The following RNASEH1 variants were observed in gnomAD, a reference collection of about 807,000 sequenced individuals.
RNASEH1 encodes the protein ribonuclease H1, also known as ribonuclease H type II.
In RNASEH1, 27 loss-of-function variants were observed where a neutral mutation model predicts 34.6. The ratio of observed to expected loss-of-function variants is 0.78; its 90% CI spans 0.58 to 1.08. The LOEUF (loss-of-function observed/expected upper bound fraction) is 1.08, where lower values mean the gene tolerates loss of function less well. Among genes scored for constraint, RNASEH1 ranks in the 50% least tolerant of loss-of-function variants. The probability of loss-of-function intolerance (pLI) is 0.00; values close to 1 mark genes in which losing one functional copy is unlikely to be tolerated. For synonymous variants in RNASEH1, 162 were observed against 138.4 expected (o/e 1.17, Z -1.20); for missense variants, 349 against 373.6 (o/e 0.93, Z 0.54).
chr2:3,551,151 T>C (rs1659851276), intron 3 of RNASEH1, among the ~76,000 whole-genome samples: 1 of 152,148 alleles, frequency 6.6e-6, no homozygotes, highest in African/African-American at 2.4e-5. Context: ...GCGCAGGAAG[T>C]GGAAGTACTT....
intron 3 of RNASEH1, 108 bp from the exon 4 acceptor site, chr2:3,550,580 A>C (rs532169898): frequency 2.4e-6 from 2 of 817,864 alleles, no homozygotes; most frequent in African/African-American, 3.4e-5. Flanking sequence ...AGGGTATTTT[A>C]CAACGCTGCA....
intron 2 of RNASEH1, among the ~76,000 whole-genome samples, chr2:3,554,120 C>G (rs778209836): frequency 3.3e-5 from 5 of 152,152 alleles, no homozygotes; most frequent in African/African-American, 7.2e-5. Flanking sequence ...CCACACCTCT[C>G]GGAACCCTAA....
chr2:3,545,749 T>A lies in RNASEH1; in HGVS notation c.*36A>T. The A allele has an allele frequency of 6.9e-7, 1 of 1,452,562 alleles. No individual in the cohort carries two copies. Among genetic ancestry groups the A allele is most frequent in the East Asian group, 2.3e-5 (1 of 44,126 alleles). The allele number at this position is 1,452,562 out of a possible 1,614,324, so 90.0% of individuals were successfully genotyped here. A position where few individuals can be genotyped will look rare whatever the true frequency, so the allele number is the denominator to read the frequency against. On this transcript the variant is annotated 3_prime_UTR_variant, in exon 8 of 8. Transcript: ENST00000315212. ...TAAGTACAGGCAGCAAGACAGCCGC[T>A]GGCTCAAGTTCTCCCAAGGACTAAA...
the RNASEH1 span, among the ~76,000 whole-genome samples, chr2:3,534,825 TAGAA>T: frequency 2.1e-3 from 322 of 152,272 alleles, 1 homozygote; most frequent in African/African-American, 7.4e-3. Flanking sequence ...TCTTCAGCCT[TAGAA>T]GGAAGGGAAT....
In RNASEH1 at chr2:3,555,533, C is replaced by T. The variant is rs114378919; in HGVS notation, c.244+1256G>A. Among the ~76,000 whole-genome samples, 332 of 152,278 alleles carry T rather than the reference C, an allele frequency of 2.2e-3. 2 individuals carry two copies. Among genetic ancestry groups the T allele is most frequent in the African/African-American group, 7.3e-3 (304 of 41,566 alleles). On this transcript the variant is annotated intron_variant, in intron 2 of 7. Transcript: ENST00000315212. Reference sequence around the variant, plus strand: ...GATCCATTCTGGACACAACCTGCCTCGCTCTGAATTGTGCTTTGTCCAGGA... The same window carrying T: ...GATCCATTCTGGACACAACCTGCCTTGCTCTGAATTGTGCTTTGTCCAGGA...
Position 3,557,954 on chromosome 2 carries a change from T to G in RNASEH1, c.128+179A>C, listed in dbSNP as rs1462311078. 27 of 1,509,778 alleles carry G rather than the reference T, an allele frequency of 1.8e-5. No individual in the cohort carries two copies. In the East Asian group the frequency reaches 6.8e-4, roughly 38 times the overall value. The allele number at this position is 1,509,778 out of a possible 1,614,324, so 93.5% of individuals were successfully genotyped here. ...TTCGGTGCGTTCCAGTCCCAGGCCA[T>G]GAGCCTCCTGGAACCCCGCCGGCCG... On this transcript the variant is annotated intron_variant, in intron 1 of 7. Coordinates refer to ENST00000315212, the MANE Select transcript of RNASEH1 (RefSeq NM_002936.6).
At chr2:3,532,456 C>A in the RNASEH1 span, 1 of 673,742 alleles carries the variant, frequency 1.5e-6, no homozygotes. Context: ...CTCAGCCTCG[C>A]ATCCCTTGAC....
Position 3,542,632 on chromosome 2 carries a change from T to A in RNASEH1, c.*3153A>T, listed in dbSNP as rs1668395733. 6.6e-6 allele frequency among the ~76,000 whole-genome samples: 1 copy of A among 152,188 alleles called. No homozygotes were observed. The highest frequency in any genetic ancestry group is 1.5e-5 in the Non-Finnish European group (1 of 68,028). On this transcript the variant is annotated 3_prime_UTR_variant, in exon 8 of 8. Coordinates refer to ENST00000315212, the MANE Select transcript of RNASEH1 (RefSeq NM_002936.6). Reference sequence around the variant, plus strand: ...CGTAGACACAGTGCTGTTTTCATCATCACAATTAATGCTATGGTATTAGTA... The same window carrying A: ...CGTAGACACAGTGCTGTTTTCATCAACACAATTAATGCTATGGTATTAGTA...
chr2:3,541,218 A>C (rs2103275981), downstream of RNASEH1, among the ~76,000 whole-genome samples: 1 of 151,852 alleles, frequency 6.6e-6, no homozygotes, highest in East Asian at 1.9e-4. Flanking sequence ...AGTCCCAGCT[A>C]CTCGGGAGGC....
At chr2:3,548,139 C>A (rs921826088) in intron 6 of RNASEH1, 84 bp from the exon 7 acceptor site, 1 of 1,502,900 alleles carries the variant, frequency 6.7e-7, no homozygotes, top group African/African-American at 1.4e-5. Flanking sequence ...TATAATTGAT[C>A]CCACTTGTAT....
rs545675537 is a variant in RNASEH1, at chr2:3,556,097, G to A, written c.244+692C>T. Among the ~76,000 whole-genome samples the A allele has an allele frequency of 1.8e-3, 277 of 152,012 alleles. 1 individual carries two copies. The highest frequency in any genetic ancestry group is 6.4e-3 in the African/African-American group (265 of 41,480). On this transcript the variant is annotated intron_variant, in intron 2 of 7. Transcript: ENST00000315212. ...GCTGAAGCAGGAGAATCGCTTGAAC[G>A]CAGGAGGCAGAGACTGCAGTGAGCC...
the RNASEH1 span, chr2:3,533,933 G>T: frequency 2.0e-5 from 3 of 152,306 alleles, no homozygotes; most frequent in Admixed American, 6.5e-5. Context: ...ATAGCCTGAA[G>T]CTGGAAAACC....
intron 7 of RNASEH1, among the ~76,000 whole-genome samples, chr2:3,547,676 A>G (rs1483931863): frequency 6.6e-6 from 1 of 152,032 alleles, no homozygotes; most frequent in African/African-American, 2.4e-5. Flanking sequence ...TTTAATAAAG[A>G]TGGGGTTTCA....
rs183532560 is a variant in RNASEH1 at position 3,553,670 on chromosome 2, G to T, written c.245-1362C>A. Among the ~76,000 whole-genome samples the T allele has an allele frequency of 6.3e-3, 961 of 152,220 alleles. 10 individuals carry two copies. The highest frequency in any genetic ancestry group is 0.022 in the African/African-American group (902 of 41,530). Reference sequence around the variant, plus strand: ...CTCCCACAGTGCTGGGATTACAGGCGTGAGCCGCTGCGCCCGGCCCCAAAG... The same window carrying T: ...CTCCCACAGTGCTGGGATTACAGGCTTGAGCCGCTGCGCCCGGCCCCAAAG... On this transcript the variant is annotated intron_variant, in intron 2 of 7. Coordinates refer to ENST00000315212, the MANE Select transcript of RNASEH1 (RefSeq NM_002936.6).
Position 3,550,299 on chromosome 2 carries a change from A to G in RNASEH1, c.509+74T>C. The G allele has an allele frequency of 3.2e-6, 4 of 1,233,770 alleles. No homozygotes were observed. The Admixed American group carries it at 6.7e-5, about 21-fold the overall frequency. The allele number at this position is 1,233,770 out of a possible 1,614,324, so 76.4% of individuals were successfully genotyped here. On this transcript the variant is annotated intron_variant, in intron 4 of 7. Coordinates refer to ENST00000315212, the MANE Select transcript of RNASEH1 (RefSeq NM_002936.6). ...TGCAGGTTTTCCCAATAATCAAACA[A>G]TGAGCAGATCCCGCCTCATCTTTTC... is the stretch of plus-strand genomic sequence containing the variant.
downstream of RNASEH1, among the ~76,000 whole-genome samples, chr2:3,538,396 GCATA>G (rs1408748157): frequency 1.3e-5 from 2 of 151,634 alleles, no homozygotes; most frequent in African/African-American, 2.4e-5. Context: ...TAAAAAGATA[GCATA>G]CAAAGACGCA....
intron 4 of RNASEH1, 34 bp downstream of exon 4, chr2:3,550,339 A>T (rs1413482189): frequency 6.7e-7 from 1 of 1,491,542 alleles, no homozygotes. Context: ...GTTGTGGAAC[A>T]TGATTCAGTA....
At chr2:3,557,126 T>G (rs951275531) in intron 1 of RNASEH1, among the ~76,000 whole-genome samples, 2 of 152,268 alleles carry the variant, frequency 1.3e-5, no homozygotes, top group African/African-American at 2.4e-5. Context: ...TCTTGCATGC[T>G]TTAAATCATC....
rs1668536697 is a variant in RNASEH1 at position 3,544,180 on chromosome 2, C to G, written c.*1605G>C. ...ACCCCAAATAATTAATGGATCTTGG[C>G]ACTGAGCATCAGCTGCCGTCAACAT... is the stretch of plus-strand genomic sequence containing the variant. On this transcript the variant is annotated 3_prime_UTR_variant, in exon 8 of 8. Transcript: ENST00000315212. Among the ~76,000 whole-genome samples, 2 of 152,202 alleles carry G rather than the reference C, an allele frequency of 1.3e-5. No homozygotes were observed. Among genetic ancestry groups the G allele is most frequent in the Admixed American group, 6.5e-5 (1 of 15,280 alleles).
Sources: allele counts gnomAD v4.1 joint callset (sites outside exome capture counted in the v4.1 genomes callset), GRCh38; gene constraint gnomAD v4.1.1; transcripts MANE v1.5; gene names NCBI Gene and HGNC (gene_info 2026-07-23, HGNC 2026-07-21).